NTM: variants seen among roughly 807,000 people sequenced by gnomAD.
NTM encodes the protein neurotrimin, also known as IgLON family member 2.
Under a neutral mutation model 42.1 loss-of-function variants are expected in NTM, and 13 were observed. The observed-to-expected ratio is 0.31, with a 90% CI of 0.20 to 0.49. The LOEUF (loss-of-function observed/expected upper bound fraction) is 0.49, where lower values mean the gene tolerates loss of function less well. Ranked by LOEUF, NTM falls within the 20% of genes least tolerant of loss-of-function variation. The pLI is 0.99. For missense variants in NTM, 373 were observed against 452.8 expected (o/e 0.82, Z 1.60); for synonymous variants, 187 against 179.2 (o/e 1.04, Z -0.35).
At chr11:131,438,285 C>A (rs1386160801) in intron 1 of NTM, among the ~76,000 whole-genome samples, 1 of 152,106 alleles carries the variant, frequency 6.6e-6, no homozygotes, top group Non-Finnish European at 1.5e-5. Context: ...TGAGGAGTAT[C>A]TTTGTGGTGT....
intron 4 of NTM, among the ~76,000 whole-genome samples, chr11:132,302,141 G>A (rs1358395159): frequency 6.6e-6 from 1 of 152,130 alleles, no homozygotes; most frequent in Non-Finnish European, 1.5e-5. Flanking sequence ...GGATTTGGGG[G>A]CAGGTGTGAT....
chr11:132,107,532 A>G (rs1174489236), intron 2 of NTM, among the ~76,000 whole-genome samples: 1 of 145,084 alleles, frequency 6.9e-6, no homozygotes, highest in Non-Finnish European at 1.5e-5. Context: ...TTTTTCCTTT[A>G]TTTAAAAAAA....
chr11:131,411,102 C>A (rs1205459048), intron 1 of NTM, among the ~76,000 whole-genome samples: 3 of 152,194 alleles, frequency 2.0e-5, no homozygotes, highest in Non-Finnish European at 4.4e-5. Flanking sequence ...TCCCACCTGG[C>A]AAATCCCTCC....
intron 8 of NTM, among the ~76,000 whole-genome samples, chr11:132,334,719 T>TA (rs1362538438): frequency 6.6e-6 from 1 of 152,062 alleles, no homozygotes; most frequent in African/African-American, 2.4e-5. Context: ...TGTAGGATAT[T>TA]AATGAATCTG....
At chr11:132,063,166 G>A (rs535643165) in intron 2 of NTM, among the ~76,000 whole-genome samples, 1 of 152,220 alleles carries the variant, frequency 6.6e-6, no homozygotes, top group Admixed American at 6.5e-5. Context: ...GGGGCAAGGG[G>A]ACTCTCCTCT....
chr11:132,327,680 A>G (rs1340371366), intron 7 of NTM, among the ~76,000 whole-genome samples: 4 of 152,138 alleles, frequency 2.6e-5, no homozygotes, highest in South Asian at 4.2e-4. Context: ...TGGCAAAAAT[A>G]TAACTTTCTG....
At chr11:132,242,093 C>G (rs979153116) in intron 4 of NTM, among the ~76,000 whole-genome samples, 1 of 152,182 alleles carries the variant, frequency 6.6e-6, no homozygotes, top group African/African-American at 2.4e-5. Context: ...ATTTTTCTCA[C>G]GTTTGTTTGT....
chr11:132,000,670 T>G (rs1181603757), intron 2 of NTM, among the ~76,000 whole-genome samples: 1 of 152,202 alleles, frequency 6.6e-6, no homozygotes, highest in Non-Finnish European at 1.5e-5. Context: ...TATTTCATCT[T>G]GCATTTATTT....
intron 1 of NTM, chr11:131,794,587 G>A (rs1344761175): frequency 3.0e-6 from 3 of 984,404 alleles, no homozygotes; most frequent in African/African-American, 3.5e-5. Context: ...ATAAGAAATG[G>A]CAATAGACCG....
At chr11:131,756,859 A>T (rs920179524) in intron 1 of NTM, among the ~76,000 whole-genome samples, 22 of 152,212 alleles carry the variant, frequency 1.4e-4, no homozygotes, top group African/African-American at 4.8e-4. Flanking sequence ...ATTCCCAGCT[A>T]TTAAAAGGAA....
At chr11:131,629,984 T>C (rs2063490995) in intron 1 of NTM, among the ~76,000 whole-genome samples, 1 of 152,154 alleles carries the variant, frequency 6.6e-6, no homozygotes, top group Non-Finnish European at 1.5e-5. Context: ...CTTGACCTCA[T>C]GGTCTCAGCC....
intron 3 of NTM, among the ~76,000 whole-genome samples, chr11:132,152,228 C>G (rs2072095869): frequency 6.6e-6 from 1 of 152,198 alleles, no homozygotes; most frequent in Non-Finnish European, 1.5e-5. Flanking sequence ...AAGCACCATG[C>G]CCTTCTGGCA....
At chr11:131,498,310 G>A (rs994353390) in intron 1 of NTM, among the ~76,000 whole-genome samples, 3 of 152,180 alleles carry the variant, frequency 2.0e-5, no homozygotes, top group African/African-American at 7.2e-5. Flanking sequence ...GAGAGGTAAG[G>A]ATATTACCCA....
At chr11:131,441,625 C>G (rs1262470095) in intron 1 of NTM, among the ~76,000 whole-genome samples, 1 of 152,110 alleles carries the variant, frequency 6.6e-6, no homozygotes, top group Non-Finnish European at 1.5e-5. Context: ...CGATATATCT[C>G]GTGTCAGGTA....
rs373058395 is a variant in NTM, at chr11:132,232,533, G to A, written c.526+20386G>A. ...GGCAGGGAATACGGGGAAGTGAAGAGCACTTTGGTCAGAACACTTGGTTTG... is the reference window on the plus strand; with the variant it reads ...GGCAGGGAATACGGGGAAGTGAAGAACACTTTGGTCAGAACACTTGGTTTG... On this transcript the variant is annotated intron_variant, in intron 4 of 8. Coordinates refer to ENST00000683400, the MANE Select transcript of NTM (RefSeq NM_001352005.2). Among the ~76,000 whole-genome samples the A allele has an allele frequency of 1.0e-3, 154 of 152,310 alleles. 1 individual carries two copies. The South Asian group carries it at 0.031, about 31-fold the overall frequency.
At chr11:131,959,813 A>G (rs749540453) in intron 2 of NTM, among the ~76,000 whole-genome samples, 1 of 152,186 alleles carries the variant, frequency 6.6e-6, no homozygotes, top group African/African-American at 2.4e-5. Context: ...ATTGACCTCA[A>G]CATTGTTCCC....
chr11:131,660,234 A>G (rs370966781), intron 1 of NTM: 32 of 336,226 alleles, frequency 9.5e-5, no homozygotes, highest in Non-Finnish European at 1.9e-4. Context: ...ACTGAACACA[A>G]TGACCCATTC....
chr11:132,080,025 T>C (rs1189592004), intron 2 of NTM, among the ~76,000 whole-genome samples: 1 of 152,188 alleles, frequency 6.6e-6, no homozygotes, highest in East Asian at 1.9e-4. Context: ...GAGAAAAATA[T>C]ACATGGTACA....
intron 2 of NTM, among the ~76,000 whole-genome samples, chr11:132,109,025 GA>G (rs772994627): frequency 1.2e-4 from 18 of 152,276 alleles, no homozygotes; most frequent in South Asian, 8.3e-4. Context: ...TTCTCCAAAG[GA>G]CATGAACTCA....
Sources: gnomAD v4.1 joint callset for allele counts (sites outside exome capture counted in the v4.1 genomes callset) on GRCh38, gnomAD v4.1.1 for gene constraint, MANE v1.5 for transcripts, NCBI Gene and HGNC (gene_info 2026-07-23, HGNC 2026-07-21) for gene names.